HOOK2: variants seen among roughly 807,000 people sequenced by gnomAD.
The protein encoded by HOOK2 is hook microtubule tethering protein 2.
A neutral mutation model predicts 111.9 loss-of-function variants in HOOK2; 108 were observed. That is an observed-to-expected ratio of 0.96 (90% CI 0.83 to 1.13). HOOK2 has a LOEUF of 1.13. HOOK2 is among the 50% of genes most tolerant of loss of function. The pLI, the probability that HOOK2 is intolerant of heterozygous loss-of-function variation, is 0.00. For missense variants in HOOK2, 978 were observed against 951.3 expected (o/e 1.03, Z -0.37); for synonymous variants, 405 against 394.3 (o/e 1.03, Z -0.32).
intron 10 of HOOK2, 67 bp downstream of exon 10, chr19:12,770,865 A>AG: frequency 6.5e-7 from 1 of 1,530,086 alleles, no homozygotes; most frequent in Non-Finnish European, 8.8e-7. Flanking sequence ...ATGGCATCAG[A>AG]GGGGAACTCT....
Position 12,791,688 on chromosome 19 carries a change from C to A in HOOK2, n.42-17463G>T. ...CGCGACCAGGCACCCAGTCCGGTCA[C>A]CGCAGCGGAGAGCTCGCCGCTCGCT... is the stretch of plus-strand genomic sequence containing the variant. On this transcript the variant is annotated intron_variant and non_coding_transcript_variant, in intron 3 of 3. Coordinates refer to the HOOK2 transcript ENST00000589765. This position sits in a 1 kb window ranked among gnomAD's most constrained non-coding sequence, Gnocchi z 7.0. 9.3e-7 allele frequency: 1 copy of A among 1,071,812 alleles called. No homozygotes were observed. The allele number at this position is 1,071,812 out of a possible 1,614,324, so 66.4% of individuals were successfully genotyped here. A position where few individuals can be genotyped will look rare whatever the true frequency, so the allele number is the denominator to read the frequency against.
chr19:12,764,931 T>G lies in HOOK2; in HGVS notation c.1724-14A>C. On this transcript the variant is annotated splice_polypyrimidine_tract_variant and intron_variant, in intron 19 of 22. Transcript: ENST00000397668. ...TCCGCCGGGCTGCTGGCGGAAGAGG[T>G]GGCCCATCAGCTCCACGCTGCTGGG... 6.2e-7 allele frequency: 1 copy of G among 1,613,864 alleles called. No individual in the cohort carries two copies. The highest frequency in any genetic ancestry group is 8.5e-7 in the Non-Finnish European group (1 of 1,179,942).
Position 12,771,005 on chromosome 19 carries a change from G to GCAGCTCCGCAACCTCCCTCTC in HOOK2, c.808_828dup (p.Glu270_Leu276dup). 6.2e-7 allele frequency: 1 copy of GCAGCTCCGCAACCTCCCTCTC among 1,612,664 alleles called. No individual in the cohort carries two copies. The highest frequency in any genetic ancestry group is 1.1e-5 in the South Asian group (1 of 91,002). On this transcript the variant is annotated inframe_insertion, in exon 10 of 23. Transcript: ENST00000397668. Reference sequence around the variant, plus strand: ...CTAGTCAGCGCCTGGTTCCGGTGCTGCAGCTCCGCAACCTCCCTCTCCAGC... The same window carrying GCAGCTCCGCAACCTCCCTCTC: ...CTAGTCAGCGCCTGGTTCCGGTGCTGCAGCTCCGCAACCTCCCTCTCCAGCTCCGCAACCTCCCTCTCCAGC...
At position 12,763,418 on chromosome 19, in the gene HOOK2, T is replaced by G; in HGVS notation, c.2024A>C (p.Gln675Pro). 6.2e-7 allele frequency: 1 copy of G among 1,613,956 alleles called. No homozygotes were observed. Among genetic ancestry groups the G allele is most frequent in the Non-Finnish European group, 8.5e-7 (1 of 1,179,954 alleles). Reference sequence around the variant, plus strand: ...CGCCCGCTCCTCCCCAGCTCGCTGCTGCAAGGCCATGCCCTTCAGGAGGAG... The same window carrying G: ...CGCCCGCTCCTCCCCAGCTCGCTGCGGCAAGGCCATGCCCTTCAGGAGGAG... Reference protein sequence around the residue: ...SAWYNMGMALQQRAGEERAPA... With the variant: ...SAWYNMGMALPQRAGEERAPA... Residue 675 changes from glutamine (Q) to proline (P), a missense_variant, in exon 23 of 23, where the codon CAG (glutamine) becomes CCG (proline). Around this residue, in one of 5 missense-constraint regions of HOOK2, gnomAD observed 277 missense variants for 265.8 expected, o/e 1.04. Transcript: ENST00000397668.
chr19:12,772,155 C>CTG, intron 7 of HOOK2, 35 bp downstream of exon 7: 1 of 1,496,170 alleles, frequency 6.7e-7, no homozygotes, highest in Non-Finnish European at 9.3e-7. Flanking sequence ...TTGCTGATCC[C>CTG]TGTGCCTGGA....
Position 12,786,413 on chromosome 19 carries a change from AC to A in HOOK2, n.42-12189del, listed in dbSNP as rs994636336. Among the ~76,000 whole-genome samples, 8 of 152,044 alleles carry A rather than the reference AC, an allele frequency of 5.3e-5. No individual in the cohort carries two copies. The highest frequency in any genetic ancestry group is 3.4e-3 in the Middle Eastern group (1 of 294). On this transcript the variant is annotated intron_variant and non_coding_transcript_variant, in intron 3 of 3. Transcript: ENST00000589765. This position sits in a 1 kb window ranked among gnomAD's most constrained non-coding sequence, Gnocchi z 4.3. ...AGAAGGAGAAGTCCCTCGTGCCAAG[AC>A]CAAAAGCCCCGAAGACACTTGTGGG...
At chr19:12,769,513 C>G (rs1486498377) in intron 11 of HOOK2, among the ~76,000 whole-genome samples, 1 of 152,216 alleles carries the variant, frequency 6.6e-6, no homozygotes, top group African/African-American at 2.4e-5. Flanking sequence ...ACCTCGAAAT[C>G]CTGGGCTCAA....
intron 3 of HOOK2, among the ~76,000 whole-genome samples, chr19:12,788,829 CA>C (rs1343600915): frequency 6.6e-6 from 1 of 152,172 alleles, no homozygotes; most frequent in Non-Finnish European, 1.5e-5. Flanking sequence ...GCCAGACTCA[CA>C]GGCCTCCGGA....
chr19:12,775,320 C>A, intron 1 of HOOK2, 85 bp downstream of exon 1: 4 of 1,553,654 alleles, frequency 2.6e-6, no homozygotes, highest in South Asian at 1.2e-5. Context: ...AGCCCCAGCA[C>A]CAAGAGACTG....
chr19:12,773,125 C>A, intron 3 of HOOK2, 81 bp from the exon 4 acceptor site: 1 of 1,350,804 alleles, frequency 7.4e-7, no homozygotes, highest in South Asian at 1.2e-5. Flanking sequence ...CTCCACCTCA[C>A]TTCTCCTTCC....
Position 12,768,023 on chromosome 19 carries a change from T to C in HOOK2, c.1205A>G (p.Lys402Arg). The change falls in exon 12 of 23, where the codon AAG (lysine) becomes AGG (arginine). Residue 402 changes from lysine (K) to arginine (R), a missense_variant. Transcript: ENST00000397668. Reference protein sequence around the residue: ...NLEEKYESVTKEKERLLAERD... With the variant: ...NLEEKYESVTREKERLLAERD... ...GAACCTCAGCCTCACCTCCTTCTCCTTTGTCACCGACTCATACTTTTCCTC... is the reference window on the plus strand; with the variant it reads ...GAACCTCAGCCTCACCTCCTTCTCCCTTGTCACCGACTCATACTTTTCCTC... 1 of 1,614,192 alleles carries C rather than the reference T, an allele frequency of 6.2e-7. No homozygotes were observed. Among genetic ancestry groups the C allele is most frequent in the East Asian group, 2.2e-5 (1 of 44,882 alleles).
chr19:12,789,693 G>A (rs1031955754), intron 3 of HOOK2, among the ~76,000 whole-genome samples: 1 of 151,154 alleles, frequency 6.6e-6, no homozygotes, highest in African/African-American at 2.4e-5. Flanking sequence ...GGCGAAGTCC[G>A]ACCCAGGCCC....
chr19:12,764,704 C>T, intron 20 of HOOK2, 110 bp downstream of exon 20: 1 of 824,104 alleles, frequency 1.2e-6, no homozygotes, highest in Admixed American at 2.0e-5. Flanking sequence ...TGGGGTATGA[C>T]AGGTATGAGT....
chr19:12,792,059 C>T (rs1280049080), intron 3 of HOOK2: 1 of 1,610,050 alleles, frequency 6.2e-7, no homozygotes. Flanking sequence ...CCAACAGCAA[C>T]GGCGTGATCA....
chr19:12,780,644 C>A (rs1031264974), upstream of HOOK2, among the ~76,000 whole-genome samples: 2 of 138,996 alleles, frequency 1.4e-5, no homozygotes, highest in African/African-American at 5.3e-5. Flanking sequence ...CGTGAACCAC[C>A]GCGCCCGGCC....
chr19:12,775,529 C>A lies in HOOK2; in HGVS notation c.-80G>T, dbSNP rs1292083471. 6 of 1,481,120 alleles carry A rather than the reference C, an allele frequency of 4.1e-6. No homozygotes were observed. The highest frequency in any genetic ancestry group is 4.5e-6 in the Non-Finnish European group (5 of 1,101,580). The allele number at this position is 1,481,120 out of a possible 1,614,324, so 91.7% of individuals were successfully genotyped here. A position where few individuals can be genotyped will look rare whatever the true frequency, so the allele number is the denominator to read the frequency against. On this transcript the variant is annotated 5_prime_UTR_variant, in exon 1 of 23. Transcript: ENST00000397668. ...CGGGTCCGCCACCAGCGAGCGCCCG[C>A]AGCCCCGACCTCCCGCTCGGCCTAG...
Position 12,771,054 on chromosome 19 carries a change from C to T in HOOK2, c.780G>A (p.Glu260=), listed in dbSNP as rs1303490645. 6 of 1,612,370 alleles carry T rather than the reference C, an allele frequency of 3.7e-6. No individual in the cohort carries two copies. The highest frequency in any genetic ancestry group is 1.1e-5 in the South Asian group (1 of 90,924). ...GCTCGGCACAGCGCAGGCGCTCATC[C>T]TCCCTGCCACTCTCCAGCCTGGGGG... ...EENFRLESGR[E]DERLRCAELE... Residue 260 remains glutamate, a synonymous_variant, in exon 10 of 23, where the codon GAG becomes GAA. Coordinates refer to ENST00000397668, the MANE Select transcript of HOOK2 (RefSeq NM_013312.3).
At chr19:12,787,657 A>T (rs889728684) in intron 3 of HOOK2, among the ~76,000 whole-genome samples, 1 of 151,102 alleles carries the variant, frequency 6.6e-6, no homozygotes, top group Non-Finnish European at 1.5e-5. Context: ...AACAAACAAT[A>T]AAAAAAAACT....
chr19:12,766,032 C>T lies in HOOK2; in HGVS notation c.1512-18G>A, dbSNP rs759407488. The T allele has an allele frequency of 3.1e-6, 5 of 1,611,624 alleles. No individual in the cohort carries two copies. The highest frequency in any genetic ancestry group is 3.4e-6 in the Non-Finnish European group (4 of 1,179,528). ...GGTTCAGCCTGCGAGGGTGGGGGGC[C>T]GCTTAGTGCCTGTGCCCACTTTTGG... On this transcript the variant is annotated intron_variant, in intron 15 of 22. Transcript: ENST00000397668.
Sources: gnomAD v4.1 joint callset for allele counts (sites outside exome capture counted in the v4.1 genomes callset) on GRCh38, gnomAD v4.1.1 for gene constraint, gnomAD v4.1.1 regional missense constraint, Gnocchi (gnomAD v3.1) non-coding constraint, MANE v1.5 for transcripts, NCBI Gene and HGNC (gene_info 2026-07-23, HGNC 2026-07-21) for gene names.